The following ATXN2 variants were observed in gnomAD, a reference collection of about 807,000 sequenced individuals.
The protein encoded by ATXN2 is ataxin-2.
Under a neutral mutation model 138.6 loss-of-function variants are expected in ATXN2, and 37 were observed. The observed-to-expected ratio is 0.27, with a 90% CI of 0.21 to 0.35. The LOEUF is 0.35. Among genes scored for constraint, ATXN2 ranks in the 10% least tolerant of loss-of-function variants. The pLI, the probability that ATXN2 is intolerant of heterozygous loss-of-function variation, is 1.00. For synonymous variants in ATXN2, 549 were observed against 543.7 expected (o/e 1.01, Z -0.13); for missense variants, 1,216 against 1,480.3 (o/e 0.82, Z 2.93).
At chr12:111,575,840 T>C (rs1286003383) in intron 1 of ATXN2, among the ~76,000 whole-genome samples, 5 of 152,042 alleles carry the variant, frequency 3.3e-5, no homozygotes, top group Admixed American at 2.6e-4. Context: ...TCCCAGCACT[T>C]TGGGAGGCCA....
intron 1 of ATXN2, among the ~76,000 whole-genome samples, chr12:111,567,499 CAAA>C (rs1040252320): frequency 8.0e-6 from 1 of 124,420 alleles, no homozygotes; most frequent in Non-Finnish European, 1.7e-5. Flanking sequence ...GACCCCATTT[CAAA>C]AAAAAAAAAG....
At position 111,598,964 on chromosome 12, in the gene ATXN2, TGCTGCTGCTGCTGTTGCTGCTGCTGCTGC is replaced by T. The variant is rs1302959722; in HGVS notation, c.42_70del (p.Gln15AlafsTer65). 1.1e-5 allele frequency: 17 copies of T among 1,500,168 alleles called. No homozygotes were observed. The highest frequency in any genetic ancestry group is 2.7e-5 in the East Asian group (1 of 37,646). The allele number at this position is 1,500,168 out of a possible 1,614,324, so 92.9% of individuals were successfully genotyped here. A position where few individuals can be genotyped will look rare whatever the true frequency, so the allele number is the denominator to read the frequency against. On this transcript the variant is annotated frameshift_variant, in exon 1 of 25. Transcript: ENST00000673436. LOFTEE classifies it high-confidence loss of function. This position sits in a 1 kb window ranked among gnomAD's most constrained non-coding sequence, Gnocchi z 4.5. ...CGCGGGCGGCGGCTGCTGCTGCTGC[TGCTGCTGCTGCTGTTGCTGCTGCTGCTGC>T]TGCTGCTGCTGCTGCTGCTGCTGCT...
At chr12:111,557,619 T>G (rs1882460198) in intron 1 of ATXN2, among the ~76,000 whole-genome samples, 1 of 152,172 alleles carries the variant, frequency 6.6e-6, no homozygotes, top group African/African-American at 2.4e-5. Flanking sequence ...TTGACCAAAA[T>G]CATCCAGTTC....
At chr12:111,582,500 C>G (rs1476656616) in intron 1 of ATXN2, among the ~76,000 whole-genome samples, 1 of 151,828 alleles carries the variant, frequency 6.6e-6, no homozygotes, top group Admixed American at 6.6e-5. Context: ...CCCAGCTACT[C>G]AGGAGGCTGA....
At chr12:111,573,146 AAT>A (rs1442231502) in intron 1 of ATXN2, among the ~76,000 whole-genome samples, 6 of 151,754 alleles carry the variant, frequency 4.0e-5, no homozygotes, top group Admixed American at 6.6e-5. Flanking sequence ...TATTGCTGAC[AAT>A]AATCACCGGA....
chr12:111,551,439 A>G (rs549524800), intron 5 of ATXN2, among the ~76,000 whole-genome samples: 12 of 152,290 alleles, frequency 7.9e-5, no homozygotes, highest in Non-Finnish European at 1.6e-4. Context: ...TTAAAAAGAG[A>G]CTAAATTTTT....
intron 1 of ATXN2, among the ~76,000 whole-genome samples, chr12:111,585,554 C>T (rs1446430289): frequency 6.6e-6 from 1 of 151,174 alleles, no homozygotes; most frequent in Non-Finnish European, 1.5e-5. Context: ...CCTGTGGTCC[C>T]GGCACTTTGG....
Position 111,516,995 on chromosome 12 carries a change from C to CAA in ATXN2, c.1166-634_1166-633dup, listed in dbSNP as rs1299489055. On this transcript the variant is annotated intron_variant, in intron 9 of 24. Coordinates refer to ENST00000673436, the MANE Select transcript of ATXN2 (RefSeq NM_001372574.1). The surrounding 1 kb of genome is among the most constrained non-coding windows in gnomAD (Gnocchi z 5.0). ...CAAATGATAATATTCATTGCTATTT[C>CAA]AAAAAAAAAGTCTTGACCTCATTAA... Among the ~76,000 whole-genome samples, 1 of 149,980 alleles carries CAA rather than the reference C, an allele frequency of 6.7e-6. No individual in the cohort carries two copies. Among genetic ancestry groups the CAA allele is most frequent in the Non-Finnish European group, 1.5e-5 (1 of 67,388 alleles).
intron 17 of ATXN2, 121 bp downstream of exon 17, chr12:111,485,592 G>C: frequency 4.1e-6 from 5 of 1,225,046 alleles, no homozygotes; most frequent in Non-Finnish European, 5.7e-6. Context: ...CTGCATGCCT[G>C]TCTGTTTCAA....
At chr12:111,478,550 T>C (rs1285118289) in intron 18 of ATXN2, among the ~76,000 whole-genome samples, 2 of 152,066 alleles carry the variant, frequency 1.3e-5, no homozygotes, top group African/African-American at 4.8e-5. Context: ...CACAATGAGA[T>C]ACCATAAGAC....
intron 14 of ATXN2, among the ~76,000 whole-genome samples, chr12:111,492,180 T>C (rs1395251959): frequency 6.6e-6 from 1 of 152,046 alleles, no homozygotes; most frequent in African/African-American, 2.4e-5. Context: ...AAAGAGAGAC[T>C]CCATTTGTTT....
chr12:111,494,559 G>A (rs954963018), intron 14 of ATXN2, among the ~76,000 whole-genome samples: 3 of 151,474 alleles, frequency 2.0e-5, no homozygotes, highest in African/African-American at 7.3e-5. Context: ...CTGAGTATCT[G>A]AGATTACAGG....
chr12:111,479,022 A>C (rs886998755), intron 18 of ATXN2: 1 of 333,604 alleles, frequency 3.0e-6, no homozygotes, highest in African/African-American at 2.1e-5. Flanking sequence ...AAAAATAAAT[A>C]AATAAAAAAT....
intron 5 of ATXN2, among the ~76,000 whole-genome samples, chr12:111,540,452 A>C (rs1881432855): frequency 6.6e-6 from 1 of 150,680 alleles, no homozygotes; most frequent in South Asian, 2.1e-4. Context: ...ACCACTAAGT[A>C]GTAGTAATCT....
chr12:111,587,073 C>CAAACA (rs1884383555), intron 1 of ATXN2, among the ~76,000 whole-genome samples: 1 of 112,886 alleles, frequency 8.9e-6, no homozygotes, highest in Non-Finnish European at 1.8e-5. Context: ...CCATTTCTAC[C>CAAACA]AAAAAAAAAA....
chr12:111,453,672 C>G lies in ATXN2; in HGVS notation c.3439+5G>C. ...CCCGGCGGCCCCTGCACACACACGC[C>G]TCACCTGAAGGGTGCGTCATATAGG... On this transcript the variant is annotated splice_donor_5th_base_variant and intron_variant, in intron 24 of 24. Transcript: ENST00000673436. This position sits in a 1 kb window ranked among gnomAD's most constrained non-coding sequence, Gnocchi z 5.4. The G allele has an allele frequency of 6.3e-7, 1 of 1,585,200 alleles. No individual in the cohort carries two copies. Among genetic ancestry groups the G allele is most frequent in the Non-Finnish European group, 8.6e-7 (1 of 1,163,310 alleles).
At chr12:111,456,661 TTA>T in intron 22 of ATXN2, among the ~76,000 whole-genome samples, 1 of 152,294 alleles carries the variant, frequency 6.6e-6, no homozygotes, top group Middle Eastern at 3.4e-3. Context: ...CTTATGAACT[TTA>T]TGTTAAATTT....
At chr12:111,592,930 T>C (rs1884750371) in intron 1 of ATXN2, among the ~76,000 whole-genome samples, 1 of 151,376 alleles carries the variant, frequency 6.6e-6, no homozygotes, top group Admixed American at 6.6e-5. Context: ...ATCAAAATAC[T>C]ATCACTAGTC....
chr12:111,475,796 A>G (rs1677485467), intron 18 of ATXN2, among the ~76,000 whole-genome samples: 1 of 152,186 alleles, frequency 6.6e-6, no homozygotes, highest in African/African-American at 2.4e-5. Context: ...CAGTGAGTGG[A>G]TGAGAAGGTA....
Sources: allele counts gnomAD v4.1 joint callset (sites outside exome capture counted in the v4.1 genomes callset), GRCh38; gene constraint gnomAD v4.1.1; non-coding constraint Gnocchi (gnomAD v3.1); transcripts MANE v1.5; gene names NCBI Gene and HGNC (gene_info 2026-07-23, HGNC 2026-07-21).